The following KCNH1 variants were observed in gnomAD, a reference collection of about 807,000 sequenced individuals.
KCNH1 encodes the protein voltage-gated delayed rectifier potassium channel KCNH1.
KCNH1 carries 27 observed loss-of-function variants against 69.2 expected under a neutral mutation model. That is an observed-to-expected ratio of 0.39 (90% CI 0.29 to 0.54). KCNH1 has a LOEUF of 0.54. KCNH1 is among the 20% of genes least tolerant of loss of function. The pLI, the probability that KCNH1 is intolerant of heterozygous loss-of-function variation, is 0.68. For synonymous variants in KCNH1, 456 were observed against 487.7 expected, an observed-to-expected ratio of 0.93 and a Z score of 0.86; for missense variants, 798 against 1,261.6, an observed-to-expected ratio of 0.63 and a Z score of 5.57.
intron 10 of KCNH1, among the ~76,000 whole-genome samples, chr1:210,774,906 T>TA (rs573087061): frequency 2.0e-5 from 3 of 152,184 alleles, no homozygotes; most frequent in East Asian, 1.9e-4. Flanking sequence ...TCATATCTGT[T>TA]AAAAAATTAC....
chr1:210,807,642 T>G (rs914684534), intron 7 of KCNH1, among the ~76,000 whole-genome samples: 3 of 151,662 alleles, frequency 2.0e-5, no homozygotes, highest in African/African-American at 7.3e-5. Flanking sequence ...TAAATAATAA[T>G]AATAATAATA....
intron 7 of KCNH1, among the ~76,000 whole-genome samples, chr1:210,917,219 G>GAA (rs1687354268): frequency 2.5e-4 from 32 of 127,064 alleles, no homozygotes; most frequent in Admixed American, 1.2e-3. Context: ...GAGAGAGAGA[G>GAA]AGAGAGAGAG....
intron 10 of KCNH1, among the ~76,000 whole-genome samples, chr1:210,731,704 C>A (rs1682752009): frequency 6.6e-6 from 1 of 152,198 alleles, no homozygotes; most frequent in South Asian, 2.1e-4. Flanking sequence ...TGTTCAAATA[C>A]ACAAATGTCT....
intron 8 of KCNH1, among the ~76,000 whole-genome samples, chr1:210,802,771 T>G (rs1193249767): frequency 6.6e-6 from 1 of 152,186 alleles, no homozygotes; most frequent in Non-Finnish European, 1.5e-5. Context: ...TCAAGTCAAC[T>G]GATGATTAAG....
intron 6 of KCNH1, among the ~76,000 whole-genome samples, chr1:210,952,623 A>G (rs1244449829): frequency 1.3e-5 from 2 of 152,038 alleles, no homozygotes; most frequent in Non-Finnish European, 2.9e-5. Context: ...TTACTACTCC[A>G]TGGCTCCCAA....
intron 1 of KCNH1, among the ~76,000 whole-genome samples, chr1:211,110,212 T>A (rs1691433517): frequency 6.6e-6 from 1 of 152,166 alleles, no homozygotes; most frequent in Non-Finnish European, 1.5e-5. Context: ...TACCACATAT[T>A]CTTTCTTTGG....
chr1:211,044,538 CT>C (rs377057932), intron 5 of KCNH1, among the ~76,000 whole-genome samples: 2 of 151,974 alleles, frequency 1.3e-5, no homozygotes, highest in African/African-American at 4.8e-5. Context: ...TATCCAAAAT[CT>C]ACAACATCTC....
At chr1:211,109,715 T>C (rs1322563760) in intron 1 of KCNH1, among the ~76,000 whole-genome samples, 4 of 150,146 alleles carry the variant, frequency 2.7e-5, no homozygotes, top group African/African-American at 4.9e-5. Flanking sequence ...GTAAACAAAT[T>C]AAAAATGTAA....
At chr1:210,906,579 C>T (rs535621014) in intron 7 of KCNH1, among the ~76,000 whole-genome samples, 2 of 152,314 alleles carry the variant, frequency 1.3e-5, no homozygotes, top group Admixed American at 6.5e-5. Context: ...TATGCCTTCT[C>T]GACCACACAG....
At chr1:210,722,615 TA>T (rs1228316443) in intron 10 of KCNH1, among the ~76,000 whole-genome samples, 1 of 152,188 alleles carries the variant, frequency 6.6e-6, no homozygotes, top group Non-Finnish European at 1.5e-5. Context: ...TCCCTCATCA[TA>T]ATTAGAGATA....
At chr1:210,912,282 C>T (rs188867803) in intron 7 of KCNH1, among the ~76,000 whole-genome samples, 3 of 152,264 alleles carry the variant, frequency 2.0e-5, no homozygotes, top group East Asian at 1.9e-4. Flanking sequence ...TGTCCTGTCC[C>T]GTGAAGATCC....
At chr1:211,096,929 C>T (rs1489307344) in intron 3 of KCNH1, among the ~76,000 whole-genome samples, 1 of 152,204 alleles carries the variant, frequency 6.6e-6, no homozygotes, top group African/African-American at 2.4e-5. Flanking sequence ...TCATTGAGTA[C>T]TTACAAAGGG....
At chr1:211,065,154 A>C (rs1303927735) in intron 5 of KCNH1, among the ~76,000 whole-genome samples, 1 of 152,176 alleles carries the variant, frequency 6.6e-6, no homozygotes, top group Non-Finnish European at 1.5e-5. Flanking sequence ...AAAGGAAATG[A>C]AATCAATATG....
chr1:210,858,381 C>T (rs1374435223), intron 7 of KCNH1: 3 of 152,172 alleles, frequency 2.0e-5, no homozygotes, highest in Non-Finnish European at 2.9e-5. Flanking sequence ...GAATTCAAGT[C>T]CCTGTCAGAA....
intron 5 of KCNH1, among the ~76,000 whole-genome samples, chr1:211,044,908 A>T (rs919901829): frequency 4.0e-5 from 6 of 151,798 alleles, no homozygotes; most frequent in Non-Finnish European, 8.8e-5. Context: ...CTGGTTATCT[A>T]CCCAGAGGAA....
At chr1:211,005,599 G>T (rs1010752975) in intron 6 of KCNH1, among the ~76,000 whole-genome samples, 1 of 152,038 alleles carries the variant, frequency 6.6e-6, no homozygotes, top group African/African-American at 2.4e-5. Flanking sequence ...TAGCATACAC[G>T]ATAATCAGTC....
At chr1:210,689,434 C>G (rs941400152) in intron 10 of KCNH1, among the ~76,000 whole-genome samples, 1 of 152,188 alleles carries the variant, frequency 6.6e-6, no homozygotes, top group Admixed American at 6.5e-5. Flanking sequence ...AATGGACTTG[C>G]TGGTGTCCTG....
chr1:211,133,772 T>G lies in KCNH1; in HGVS notation c.79+95A>C. 6 of 1,131,372 alleles carry G rather than the reference T, an allele frequency of 5.3e-6. No individual in the cohort carries two copies. The highest frequency in any genetic ancestry group is 2.9e-5 in the East Asian group (1 of 35,060). The allele number at this position is 1,131,372 out of a possible 1,614,324, so 70.1% of individuals were successfully genotyped here. A position where few individuals can be genotyped will look rare whatever the true frequency, so the allele number is the denominator to read the frequency against. On this transcript the variant is annotated intron_variant, in intron 1 of 10. Transcript: ENST00000271751. This position sits in a 1 kb window ranked among gnomAD's most constrained non-coding sequence, Gnocchi z 5.4. Reference sequence around the variant, plus strand: ...GCGGCTCCTTAGCAGAGCTCGCGGGTTCTGCTGCATCTGCTGGCTCCGAGC... The same window carrying G: ...GCGGCTCCTTAGCAGAGCTCGCGGGGTCTGCTGCATCTGCTGGCTCCGAGC...
At chr1:210,812,912 T>C (rs2102417076) in intron 7 of KCNH1, among the ~76,000 whole-genome samples, 1 of 152,334 alleles carries the variant, frequency 6.6e-6, no homozygotes, top group Middle Eastern at 3.4e-3. Context: ...GTTATACTCT[T>C]CTGGGTTCAA....
Sources: allele counts gnomAD v4.1 joint callset (sites outside exome capture counted in the v4.1 genomes callset), GRCh38; gene constraint gnomAD v4.1.1; non-coding constraint Gnocchi (gnomAD v3.1); transcripts MANE v1.5; gene names NCBI Gene and HGNC (gene_info 2026-07-23, HGNC 2026-07-21).